Variants in NOTCH4 observed in about 807,000 individuals in gnomAD.
The protein encoded by NOTCH4 is neurogenic locus notch homolog protein 4.
A neutral mutation model predicts 189.0 loss-of-function variants in NOTCH4; 138 were observed. The ratio of observed to expected loss-of-function variants is 0.73; its 90% CI spans 0.64 to 0.84. The LOEUF is 0.84. Ranked by LOEUF, NOTCH4 falls within the 40% of genes least tolerant of loss-of-function variation. NOTCH4 has a pLI of 0.00. For synonymous variants in NOTCH4, 942 were observed against 1,032.8 expected, an observed-to-expected ratio of 0.91 and a Z score of 1.69; for missense variants, 2,286 against 2,605.4, an observed-to-expected ratio of 0.88 and a Z score of 2.67.
In NOTCH4 at chr6:32,198,275, T is replaced by C. The variant is rs778555233; in HGVS notation, c.4756+146A>G. 4.2e-5 allele frequency: 35 copies of C among 835,102 alleles called. No individual in the cohort carries two copies. Among genetic ancestry groups the C allele is most frequent in the Non-Finnish European group, 6.0e-5 (33 of 550,956 alleles). The allele number at this position is 835,102 out of a possible 1,614,324, so 51.7% of individuals were successfully genotyped here. ...AATTCCCAGGTGATGCTGATTTTGCTGTCTGAGGACCACACTTTGAGAATC... is the reference window on the plus strand; with the variant it reads ...AATTCCCAGGTGATGCTGATTTTGCCGTCTGAGGACCACACTTTGAGAATC... On this transcript the variant is annotated intron_variant, in intron 26 of 29. Coordinates refer to ENST00000375023, the MANE Select transcript of NOTCH4 (RefSeq NM_004557.4). The surrounding 1 kb of genome is among the most constrained non-coding windows in gnomAD (Gnocchi z 5.5).
In NOTCH4 at chr6:32,220,602, TG is replaced by T; in HGVS notation, c.961del (p.Gln321ArgfsTer24). 6.2e-7 allele frequency: 1 copy of T among 1,613,664 alleles called. No homozygotes were observed. The highest frequency in any genetic ancestry group is 8.5e-7 in the Non-Finnish European group (1 of 1,179,876). On this transcript the variant is annotated frameshift_variant, in exon 6 of 30. Coordinates refer to ENST00000375023, the MANE Select transcript of NOTCH4 (RefSeq NM_004557.4). LOFTEE classifies it high-confidence loss of function. ...CSEDVDECET[Q>X]GPPHCRNGGT... ...CCCGTTTCTGCAGTGAGGGGGACCC[TG>T]GGTCTCACACTCATCCACATCTTCG...
chr6:32,222,607 C>T lies in NOTCH4; in HGVS notation c.355G>A (p.Glu119Lys). Residue 119 changes from glutamate to lysine, a missense_variant, in exon 3 of 30, where the codon GAA becomes AAA. Glu to Lys is a moderately conservative substitution (Grantham distance 56, BLOSUM62 1). Around this residue, in one of 2 missense-constraint regions of NOTCH4, gnomAD observed 1,903 missense variants for 2,261.9 expected, o/e 0.84. Coordinates refer to ENST00000375023, the MANE Select transcript of NOTCH4 (RefSeq NM_004557.4). ...CAGAAGGAGGGAGGACAAGGGTCTT[C>T]AAGCTTGGCCTGGCATCTCTCACCA... is the stretch of plus-strand genomic sequence containing the variant. The part of the protein sequence containing the change: ...FTGERCQAKL[E>K]DPCPPSFCSK... The T allele has an allele frequency of 1.2e-6, 2 of 1,602,762 alleles. No homozygotes were observed. Among genetic ancestry groups the T allele is most frequent in the Non-Finnish European group, 1.7e-6 (2 of 1,176,578 alleles).
At position 32,201,981 on chromosome 6, in the gene NOTCH4, G is replaced by C; in HGVS notation, c.3755+95C>G. The C allele has an allele frequency of 8.1e-7, 1 of 1,226,998 alleles. No homozygotes were observed. Among genetic ancestry groups the C allele is most frequent in the Non-Finnish European group, 1.1e-6 (1 of 933,986 alleles). The allele number at this position is 1,226,998 out of a possible 1,614,324, so 76.0% of individuals were successfully genotyped here. On this transcript the variant is annotated intron_variant, in intron 21 of 29. Transcript: ENST00000375023. The surrounding 1 kb of genome is among the most constrained non-coding windows in gnomAD (Gnocchi z 5.5). ...GGGTGGAAACTCCCTGGAGCCCAAG[G>C]CTGTGGCCACACTGTAACTCAGAGC...
Position 32,195,071 on chromosome 6 carries a change from G to C in NOTCH4, c.*366C>G, listed in dbSNP as rs989578915. ...ATTTGTCAGCCATTTGTGGGCAGTG[G>C]GGACAATGGATCATAGGGGCACCCT... On this transcript the variant is annotated 3_prime_UTR_variant, in exon 30 of 30. Coordinates refer to ENST00000375023, the MANE Select transcript of NOTCH4 (RefSeq NM_004557.4). This position sits in a 1 kb window ranked among gnomAD's most constrained non-coding sequence, Gnocchi z 5.4. 1.8e-5 allele frequency: 5 copies of C among 281,994 alleles called. No individual in the cohort carries two copies. The highest frequency in any genetic ancestry group is 2.7e-5 in the Non-Finnish European group (4 of 149,594). The allele number at this position is 281,994 out of a possible 1,614,324, so 17.5% of individuals were successfully genotyped here. A position where few individuals can be genotyped will look rare whatever the true frequency, so the allele number is the denominator to read the frequency against.
Position 32,202,588 on chromosome 6 carries a change from G to A in NOTCH4, c.3243C>T (p.Gly1081=), listed in dbSNP as rs1490493655. 6.3e-7 allele frequency: 1 copy of A among 1,591,414 alleles called. No homozygotes were observed. Among genetic ancestry groups the A allele is most frequent in the Non-Finnish European group, 8.6e-7 (1 of 1,164,478 alleles). The change falls in exon 21 of 30, where the codon GGC becomes GGT. Residue 1081 remains glycine (G), a synonymous_variant. Coordinates refer to ENST00000375023, the MANE Select transcript of NOTCH4 (RefSeq NM_004557.4). The surrounding 1 kb of genome is among the most constrained non-coding windows in gnomAD (Gnocchi z 5.7). ...FICHCPKGFE[G]PTCSHRAPSC... ...AAGGGGCCCTGTGGCTGCAGGTGGG[G>A]CCTTCAAAACCCTGTGGAGGGGAGG...
chr6:32,208,434 G>A (rs206017), intron 18 of NOTCH4, among the ~76,000 whole-genome samples: 91,460 of 152,090 alleles, frequency 0.6, 27,728 homozygotes, highest in East Asian at 0.71. Flanking sequence ...TAAAGTGGCT[G>A]TTATTGAAAA....
chr6:32,216,544 G>A (rs1789421829), intron 11 of NOTCH4: 2 of 314,148 alleles, frequency 6.4e-6, no homozygotes, highest in South Asian at 6.3e-5. Flanking sequence ...GCACCTCTGT[G>A]GGCTATGATC....
At chr6:32,204,017 G>A in intron 19 of NOTCH4, 120 bp downstream of exon 19, 1 of 1,441,654 alleles carries the variant, frequency 6.9e-7, no homozygotes, top group Non-Finnish European at 9.5e-7. Flanking sequence ...GGCGGGGGTG[G>A]GCGTGGAGGC....
At position 32,197,357 on chromosome 6, in the gene NOTCH4, C is replaced by T. The variant is rs1292888220; in HGVS notation, c.4994G>A (p.Arg1665Gln). The T allele has an allele frequency of 1.3e-6, 2 of 1,534,070 alleles. No homozygotes were observed. Among genetic ancestry groups the T allele is most frequent in the Non-Finnish European group, 1.8e-6 (2 of 1,141,792 alleles). The change falls in exon 27 of 30, where the codon CGG becomes CAG. Residue 1665 changes from arginine (R) to glutamine (Q), a missense_variant. Arg to Gln is a conservative substitution (Grantham distance 43). Transcript: ENST00000375023. ...AGCATGAAGGGGTGTGCGCCCTGCCCGGTCTGGCTGGTTGGGGTTGGCTCC... is the reference window on the plus strand; with the variant it reads ...AGCATGAAGGGGTGTGCGCCCTGCCTGGTCTGGCTGGTTGGGGTTGGCTCC... Reference protein sequence around the residue: ...EAGANPNQPDRAGRTPLHAAV... With the variant: ...EAGANPNQPDQAGRTPLHAAV...
intron 2 of NOTCH4, 69 bp from the exon 3 acceptor site, chr6:32,222,875 T>C: frequency 6.3e-7 from 1 of 1,583,870 alleles, no homozygotes; most frequent in Non-Finnish European, 8.7e-7. Flanking sequence ...CTCCCTCCTC[T>C]GCCTTCATTT....
chr6:32,197,814 T>C (rs1444906132), intron 26 of NOTCH4, among the ~76,000 whole-genome samples: 2 of 144,090 alleles, frequency 1.4e-5, no homozygotes, highest in Non-Finnish European at 3.0e-5. Context: ...GGGCAGTGGT[T>C]TTCTCTTTTT....
chr6:32,221,489 G>A lies in NOTCH4; in HGVS notation c.452-164C>T, dbSNP rs1204703004. 2.0e-5 allele frequency among the ~76,000 whole-genome samples: 3 copies of A among 152,126 alleles called. No individual in the cohort carries two copies. The highest frequency in any genetic ancestry group is 2.9e-5 in the Non-Finnish European group (2 of 68,034). Reference sequence around the variant, plus strand: ...CTGTTCCATCACCCCTGCTCTGAGCGATGTCATGGCTTGGGAGGGTTTATC... The same window carrying A: ...CTGTTCCATCACCCCTGCTCTGAGCAATGTCATGGCTTGGGAGGGTTTATC... On this transcript the variant is annotated intron_variant, in intron 3 of 29. Transcript: ENST00000375023. This position sits in a 1 kb window ranked among gnomAD's most constrained non-coding sequence, Gnocchi z 4.3.
chr6:32,204,524 G>T, intron 18 of NOTCH4, 135 bp from the exon 19 acceptor site: 1 of 960,164 alleles, frequency 1.0e-6, no homozygotes, highest in Non-Finnish European at 1.5e-6. Flanking sequence ...CATCCATCAT[G>T]GCCATGTGTC....
chr6:32,222,021 A>G (rs1248014630), intron 3 of NOTCH4, among the ~76,000 whole-genome samples: 3 of 152,118 alleles, frequency 2.0e-5, no homozygotes, highest in African/African-American at 7.2e-5. Context: ...AGCTTGCCCC[A>G]GGGTTACACC....
chr6:32,196,652 C>T (rs1314805571), intron 28 of NOTCH4, among the ~76,000 whole-genome samples: 1 of 152,134 alleles, frequency 6.6e-6, no homozygotes, highest in Non-Finnish European at 1.5e-5. Context: ...GACCGGGAGA[C>T]AGTCTCCCCC....
intron 18 of NOTCH4, among the ~76,000 whole-genome samples, chr6:32,209,077 G>T (rs981165978): frequency 1.3e-5 from 2 of 152,192 alleles, no homozygotes; most frequent in Admixed American, 1.3e-4. Flanking sequence ...GCCAGAAAAA[G>T]AATGAAATCC....
Position 32,203,866 on chromosome 6 carries a change from C to T in NOTCH4, c.3135G>A (p.Val1045=), listed in dbSNP as rs1327572764. 1.3e-5 allele frequency: 20 copies of T among 1,556,672 alleles called. No individual in the cohort carries two copies. The highest frequency in any genetic ancestry group is 2.4e-5 in the East Asian group (1 of 42,002). ...LPGHTGQWCE[V]EIDPCHSQPC... ...GTTGGCTGTGGCAGGGGTCTATCTC[C>T]ACCTCACACCACTGGCCTGTAATTA... Residue 1045 remains valine (V), a synonymous_variant, in exon 20 of 30, where the codon GTG becomes GTA. Transcript: ENST00000375023.
At position 32,217,186 on chromosome 6, in the gene NOTCH4, G is replaced by T. The variant is rs769096664; in HGVS notation, c.1705C>A (p.Gln569Lys). The change falls in exon 10 of 30, where the codon CAG (glutamine) becomes AAG (lysine). Residue 569 changes from glutamine to lysine, a missense_variant. Around this residue, in one of 2 missense-constraint regions of NOTCH4, gnomAD observed 1,903 missense variants for 2,261.9 expected, o/e 0.84. Transcript: ENST00000375023. This position sits in a 1 kb window ranked among gnomAD's most constrained non-coding sequence, Gnocchi z 4.2. Reference sequence around the variant, plus strand: ...CACTTGCAGTGGAAGGCTCCAGGCTGGTCCTGGCACTGCCCACCATTGGCA... The same window carrying T: ...CACTTGCAGTGGAAGGCTCCAGGCTTGTCCTGGCACTGCCCACCATTGGCA... ...PCANGGQCQDQPGAFHCKCLP... is the reference protein window; with the variant it reads ...PCANGGQCQDKPGAFHCKCLP... The T allele has an allele frequency of 6.2e-7, 1 of 1,612,872 alleles. No individual in the cohort carries two copies. Among genetic ancestry groups the T allele is most frequent in the Admixed American group, 1.7e-5 (1 of 60,008 alleles).
In NOTCH4 at chr6:32,201,874, G is replaced by GC. The variant is rs1440579384; in HGVS notation, c.3755+201dup. On this transcript the variant is annotated intron_variant, in intron 21 of 29. Coordinates refer to ENST00000375023, the MANE Select transcript of NOTCH4 (RefSeq NM_004557.4). This position sits in a 1 kb window ranked among gnomAD's most constrained non-coding sequence, Gnocchi z 5.5. ...TCTTAGAGAGGAGCCCAAAGGCCACGCCCCACATTAAATACTGATGCCACC... is the reference window on the plus strand; with the variant it reads ...TCTTAGAGAGGAGCCCAAAGGCCACGCCCCCACATTAAATACTGATGCCACC... The GC allele has an allele frequency of 6.7e-6, 3 of 446,960 alleles. No individual in the cohort carries two copies. The highest frequency in any genetic ancestry group is 1.1e-5 in the Non-Finnish European group (3 of 267,440). The allele number at this position is 446,960 out of a possible 1,614,324, so 27.7% of individuals were successfully genotyped here.
Sources: gnomAD v4.1 joint callset for allele counts (sites outside exome capture counted in the v4.1 genomes callset) on GRCh38, gnomAD v4.1.1 for gene constraint, gnomAD v4.1.1 regional missense constraint, Gnocchi (gnomAD v3.1) non-coding constraint, MANE v1.5 for transcripts, NCBI Gene and HGNC (gene_info 2026-07-23, HGNC 2026-07-21) for gene names.